AGAP1: variants seen among roughly 807,000 people sequenced by gnomAD.
The protein encoded by AGAP1 is arf-GAP with GTPase, ANK repeat and PH domain-containing protein 1.
In AGAP1, 29 loss-of-function variants were observed where a neutral mutation model predicts 105.3. The observed-to-expected ratio is 0.28, with a 90% CI of 0.21 to 0.38. AGAP1 has a LOEUF of 0.38. Ranked by LOEUF, AGAP1 falls within the 10% of genes least tolerant of loss-of-function variation. The pLI is 1.00. For missense variants in AGAP1, 998 were observed against 1,165.1 expected (o/e 0.86, Z 2.09); for synonymous variants, 509 against 485.9 (o/e 1.05, Z -0.63).
chr2:235,895,716 TG>T (rs1279171131), intron 10 of AGAP1, among the ~76,000 whole-genome samples: 1 of 144,874 alleles, frequency 6.9e-6, no homozygotes, highest in Non-Finnish European at 1.5e-5. Context: ...GATGGATGGA[TG>T]GATGGATGGA....
chr2:235,502,302 C>A (rs1275289294), intron 1 of AGAP1, among the ~76,000 whole-genome samples: 1 of 152,120 alleles, frequency 6.6e-6, no homozygotes, highest in Non-Finnish European at 1.5e-5. Flanking sequence ...TTAATGGATT[C>A]TTTGAGTAAC....
In AGAP1 at chr2:235,989,858, T is replaced by C. The variant is rs1444291788; in HGVS notation, c.1645+21235T>C. On this transcript the variant is annotated intron_variant, in intron 13 of 17. Coordinates refer to ENST00000304032, the MANE Select transcript of AGAP1 (RefSeq NM_001037131.3). This position sits in a 1 kb window ranked among gnomAD's most constrained non-coding sequence, Gnocchi z 4.4. ...CCTCGGAAGAGGAAATCCATGCGTC[T>C]TCCTTTTGCCCACAGGAGAAGAGAT... Among the ~76,000 whole-genome samples the C allele has an allele frequency of 6.6e-6, 1 of 152,132 alleles. No homozygotes were observed. Among genetic ancestry groups the C allele is most frequent in the Non-Finnish European group, 1.5e-5 (1 of 68,032 alleles).
At position 235,689,361 on chromosome 2, in the gene AGAP1, G is replaced by A. The variant is rs891457461; in HGVS notation, c.164-19818G>A. ...TGGAGTGAGCCTGCTGCTGTTCATC[G>A]GCCCGTAGGGTCTCCAGCACAATAC... On this transcript the variant is annotated intron_variant, in intron 1 of 17. Transcript: ENST00000304032. This position sits in a 1 kb window ranked among gnomAD's most constrained non-coding sequence, Gnocchi z 4.2. 6.6e-5 allele frequency among the ~76,000 whole-genome samples: 10 copies of A among 152,202 alleles called. No individual in the cohort carries two copies. Among genetic ancestry groups the A allele is most frequent in the Non-Finnish European group, 1.3e-4 (9 of 68,040 alleles).
intron 12 of AGAP1, among the ~76,000 whole-genome samples, chr2:235,950,945 A>C (rs1002752464): frequency 1.2e-4 from 18 of 144,008 alleles, no homozygotes; most frequent in Non-Finnish European, 1.6e-4. Context: ...ATTCCAAGAC[A>C]CTAGTAAAAA....
intron 1 of AGAP1, among the ~76,000 whole-genome samples, chr2:235,514,499 C>A (rs1942298216): frequency 6.6e-6 from 1 of 152,272 alleles, no homozygotes; most frequent in African/African-American, 2.4e-5. Context: ...ATACCGTCAG[C>A]CAGGCTCACA....
At position 235,964,997 on chromosome 2, in the gene AGAP1, C is replaced by T. The variant is rs1174162682; in HGVS notation, c.1484-3465C>T. 6.6e-6 allele frequency among the ~76,000 whole-genome samples: 1 copy of T among 152,224 alleles called. No homozygotes were observed. The highest frequency in any genetic ancestry group is 2.4e-5 in the African/African-American group (1 of 41,450). ...CTTATTTAAACCTGCCCGCTCCCACCTCTGCAGTTCCACCACAACCAAACT... is the reference window on the plus strand; with the variant it reads ...CTTATTTAAACCTGCCCGCTCCCACTTCTGCAGTTCCACCACAACCAAACT... On this transcript the variant is annotated intron_variant, in intron 12 of 17. Transcript: ENST00000304032. This position sits in a 1 kb window ranked among gnomAD's most constrained non-coding sequence, Gnocchi z 4.6.
At chr2:235,868,269 A>C (rs1190318124) in intron 9 of AGAP1, among the ~76,000 whole-genome samples, 1 of 152,102 alleles carries the variant, frequency 6.6e-6, no homozygotes, top group African/African-American at 2.4e-5. Flanking sequence ...TTTTTTTAAA[A>C]AACTTGGTAA....
At chr2:236,079,734 G>A (rs1375145113) in intron 16 of AGAP1, among the ~76,000 whole-genome samples, 1 of 152,056 alleles carries the variant, frequency 6.6e-6, no homozygotes, top group East Asian at 1.9e-4. Flanking sequence ...GCAGTTGGTG[G>A]GACAGGGAAG....
chr2:235,735,027 C>A (rs1180782315), intron 3 of AGAP1, among the ~76,000 whole-genome samples: 2 of 120,926 alleles, frequency 1.7e-5, no homozygotes, highest in African/African-American at 5.3e-5. Context: ...CGCGCACTGG[C>A]CGTGGAGCTC....
Position 235,747,737 on chromosome 2 carries a change from G to A in AGAP1, c.539-2617G>A, listed in dbSNP as rs1364206811. Among the ~76,000 whole-genome samples the A allele has an allele frequency of 6.6e-6, 1 of 152,220 alleles. No individual in the cohort carries two copies. Among genetic ancestry groups the A allele is most frequent in the African/African-American group, 2.4e-5 (1 of 41,466 alleles). ...TTGCTCTCCGTGAAGCCCGTGCTCG[G>A]CTGCTCTTTCAGGGGTTTGGCTTCC... On this transcript the variant is annotated intron_variant, in intron 5 of 17. Coordinates refer to ENST00000304032, the MANE Select transcript of AGAP1 (RefSeq NM_001037131.3). This position sits in a 1 kb window ranked among gnomAD's most constrained non-coding sequence, Gnocchi z 5.0.
intron 2 of AGAP1, among the ~76,000 whole-genome samples, chr2:235,711,946 T>C (rs1950879400): frequency 6.6e-6 from 1 of 152,210 alleles, no homozygotes; most frequent in Non-Finnish European, 1.5e-5. Context: ...AATAAATCTT[T>C]TGAAATCTGT....
At chr2:236,102,143 C>T (rs538841661) in intron 16 of AGAP1, among the ~76,000 whole-genome samples, 37 of 152,214 alleles carry the variant, frequency 2.4e-4, no homozygotes, top group East Asian at 3.9e-4. Flanking sequence ...TTAGGCCGGG[C>T]GCGGTGGCTC....
Position 235,979,141 on chromosome 2 carries a change from GT to G in AGAP1, c.1645+10531del, listed in dbSNP as rs56777893. 0.093 allele frequency among the ~76,000 whole-genome samples: 12,452 copies of G among 133,956 alleles called. 1,086 individuals are homozygous for G. The highest frequency in any genetic ancestry group is 0.27 in the African/African-American group (9,548 of 36,006). The allele number at this position is 133,956 out of a possible 152,430, so 87.9% of individuals were successfully genotyped here. On this transcript the variant is annotated intron_variant, in intron 13 of 17. Coordinates refer to ENST00000304032, the MANE Select transcript of AGAP1 (RefSeq NM_001037131.3). The surrounding 1 kb of genome is among the most constrained non-coding windows in gnomAD (Gnocchi z 4.5). ...GTGGGGTTTTTTTGTTGTTGTTTTT[GT>G]TTTTTTTTTTTTGGGATATGATCTC...
chr2:235,923,945 GA>G (rs2052317622), intron 11 of AGAP1, among the ~76,000 whole-genome samples: 1 of 152,166 alleles, frequency 6.6e-6, no homozygotes, highest in Admixed American at 6.5e-5. Context: ...TCAATTAGAA[GA>G]GTGGTGTAGG....
At position 235,983,984 on chromosome 2, in the gene AGAP1, G is replaced by A. The variant is rs1045428119; in HGVS notation, c.1645+15361G>A. 6.6e-6 allele frequency among the ~76,000 whole-genome samples: 1 copy of A among 152,146 alleles called. No individual in the cohort carries two copies. Among genetic ancestry groups the A allele is most frequent in the African/African-American group, 2.4e-5 (1 of 41,420 alleles). The stretch of plus-strand genomic sequence containing the variant: ...ATTATATTTTCACATTCACAGTGCT[G>A]GACAACCATGACCGCCATTCCCAAA... On this transcript the variant is annotated intron_variant, in intron 13 of 17. Coordinates refer to ENST00000304032, the MANE Select transcript of AGAP1 (RefSeq NM_001037131.3). This position sits in a 1 kb window ranked among gnomAD's most constrained non-coding sequence, Gnocchi z 4.5.
Position 235,777,446 on chromosome 2 carries a change from G to A in AGAP1, c.674-20313G>A, listed in dbSNP as rs762238308. Among the ~76,000 whole-genome samples, 3 of 152,220 alleles carry A rather than the reference G, an allele frequency of 2.0e-5. No homozygotes were observed. Among genetic ancestry groups the A allele is most frequent in the Admixed American group, 1.3e-4 (2 of 15,288 alleles). On this transcript the variant is annotated intron_variant, in intron 6 of 17. Coordinates refer to ENST00000304032, the MANE Select transcript of AGAP1 (RefSeq NM_001037131.3). The surrounding 1 kb of genome is among the most constrained non-coding windows in gnomAD (Gnocchi z 5.1). ...GAAGAATTACAGGTGTGAAGCGCCC[G>A]TGTGGGGCTGATTCCCACCTGCCTC... is the stretch of plus-strand genomic sequence containing the variant.
intron 1 of AGAP1, among the ~76,000 whole-genome samples, chr2:235,546,989 A>G (rs1943644362): frequency 6.6e-6 from 1 of 152,154 alleles, no homozygotes; most frequent in Non-Finnish European, 1.5e-5. Context: ...CAGCCATAAA[A>G]CTGTGCAGAG....
intron 1 of AGAP1, among the ~76,000 whole-genome samples, chr2:235,698,902 T>C (rs1223096155): frequency 6.6e-6 from 1 of 152,334 alleles, no homozygotes; most frequent in African/African-American, 2.4e-5. Context: ...AAATTGAACA[T>C]GTAGTCAGCA....
rs557707868 is a variant in AGAP1, at chr2:235,614,731, C to G, written c.164-94448C>G. Among the ~76,000 whole-genome samples, 2 of 152,316 alleles carry G rather than the reference C, an allele frequency of 1.3e-5. No individual in the cohort carries two copies. The highest frequency in any genetic ancestry group is 4.2e-4 in the South Asian group (2 of 4,816). On this transcript the variant is annotated intron_variant, in intron 1 of 17. Transcript: ENST00000304032. This position sits in a 1 kb window ranked among gnomAD's most constrained non-coding sequence, Gnocchi z 4.7. Reference sequence around the variant, plus strand: ...TTAGGGAAGATACGAGACTGGCTAACTCAGTATTCACCGTGAATTCTTTTG... The same window carrying G: ...TTAGGGAAGATACGAGACTGGCTAAGTCAGTATTCACCGTGAATTCTTTTG...
Sources: allele counts gnomAD v4.1 joint callset (sites outside exome capture counted in the v4.1 genomes callset), GRCh38; gene constraint gnomAD v4.1.1; non-coding constraint Gnocchi (gnomAD v3.1); transcripts MANE v1.5; gene names NCBI Gene and HGNC (gene_info 2026-07-23, HGNC 2026-07-21).